The following TMEM132B variants were observed in gnomAD, a reference collection of about 807,000 sequenced individuals.
TMEM132B encodes transmembrane protein 132B.
Under a neutral mutation model 90.8 loss-of-function variants are expected in TMEM132B, and 18 were observed. That is an observed-to-expected ratio of 0.20 (90% CI 0.14 to 0.29). The LOEUF is 0.29. Ranked by LOEUF, TMEM132B falls within the 10% of genes least tolerant of loss-of-function variation. TMEM132B has a pLI of 1.00. For synonymous variants in TMEM132B, 504 were observed against 523.3 expected, an observed-to-expected ratio of 0.96 and a Z score of 0.50; for missense variants, 1,096 against 1,326.8, an observed-to-expected ratio of 0.83 and a Z score of 2.70.
chr12:125,642,733 T>G (rs973562102), intron 5 of TMEM132B, among the ~76,000 whole-genome samples: 3 of 152,218 alleles, frequency 2.0e-5, no homozygotes, highest in Non-Finnish European at 4.4e-5. Context: ...CTATGTTAAT[T>G]ATACTTAAGG....
intron 3 of TMEM132B, among the ~76,000 whole-genome samples, chr12:125,511,991 C>A (rs1882994583): frequency 1.3e-5 from 2 of 152,090 alleles, no homozygotes; most frequent in Admixed American, 1.3e-4. Context: ...GAGATTGGGT[C>A]TCATAAGGTC....
Position 125,482,509 on chromosome 12 carries a change from C to T in TMEM132B, c.1107-36930C>T, listed in dbSNP as rs140431095. On this transcript the variant is annotated intron_variant, in intron 3 of 8. Coordinates refer to ENST00000682704, the MANE Select transcript of TMEM132B (RefSeq NM_001366854.1). ...GCCAACAGACACATGGAAAAATGCT[C>T]GTCATCAGAGAAATGCAAATCAAAA... is the stretch of plus-strand genomic sequence containing the variant. Among the ~76,000 whole-genome samples, 241 of 151,506 alleles carry T rather than the reference C, an allele frequency of 1.6e-3. 2 individuals carry two copies. Among genetic ancestry groups the T allele is most frequent in the African/African-American group, 5.6e-3 (231 of 41,466 alleles).
chr12:125,231,917 A>G (rs183474639), intron 1 of TMEM132B, among the ~76,000 whole-genome samples: 174 of 151,560 alleles, frequency 1.1e-3, no homozygotes, highest in Non-Finnish European at 1.4e-3. Context: ...CTTTCACTCT[A>G]AAAATACCAC....
At chr12:125,261,309 G>A (rs1411672862) in intron 1 of TMEM132B, among the ~76,000 whole-genome samples, 5 of 152,162 alleles carry the variant, frequency 3.3e-5, no homozygotes, top group Non-Finnish European at 4.4e-5. Context: ...TTCAGAGTGA[G>A]TCTCCTCAGA....
chr12:125,323,015 C>T (rs10846872), intron 1 of TMEM132B, among the ~76,000 whole-genome samples: 6,167 of 152,248 alleles, frequency 0.041, 305 homozygotes, highest in Admixed American at 0.15. Flanking sequence ...GGAGAACCTT[C>T]TCTGACATAA....
rs1463168507 is a variant in TMEM132B, at chr12:125,313,701, C to G, written c.68-35751C>G. The stretch of plus-strand genomic sequence containing the variant: ...CCCCTCCCCTTCCCTCCCCTCCCCC[C>G]CTCCCTCCATTGGTTTGGGTTAATT... On this transcript the variant is annotated intron_variant, in intron 1 of 8. Coordinates refer to ENST00000682704, the MANE Select transcript of TMEM132B (RefSeq NM_001366854.1). Among the ~76,000 whole-genome samples the G allele has an allele frequency of 1.2e-4, 14 of 116,738 alleles. 1 individual carries two copies. The highest frequency in any genetic ancestry group is 3.0e-4 in the African/African-American group (9 of 29,660). 76.6% of individuals were successfully genotyped at this position (116,738 alleles called of 152,430 possible).
chr12:125,263,511 C>G (rs780014317), intron 1 of TMEM132B, among the ~76,000 whole-genome samples: 10 of 152,174 alleles, frequency 6.6e-5, no homozygotes, highest in Non-Finnish European at 1.5e-4. Flanking sequence ...CTTCTCTATA[C>G]CTCAGACTCG....
chr12:125,568,132 GT>G (rs1566076451), intron 4 of TMEM132B, among the ~76,000 whole-genome samples: 1 of 152,082 alleles, frequency 6.6e-6, no homozygotes, highest in African/African-American at 2.4e-5. Flanking sequence ...AAACATGTGT[GT>G]TTTGTCTTCT....
chr12:125,556,102 G>A (rs995349100), intron 4 of TMEM132B, among the ~76,000 whole-genome samples: 3 of 152,106 alleles, frequency 2.0e-5, no homozygotes, highest in Admixed American at 6.5e-5. Context: ...AATTTTATTC[G>A]AGCTGTCAGA....
At chr12:125,296,475 C>T (rs963315647) in intron 1 of TMEM132B, among the ~76,000 whole-genome samples, 6 of 152,186 alleles carry the variant, frequency 3.9e-5, no homozygotes, top group Non-Finnish European at 5.9e-5. Flanking sequence ...ATGGCCTTCC[C>T]GGACCTCTCT....
At chr12:125,651,203 C>G (rs1040137771) in intron 7 of TMEM132B, among the ~76,000 whole-genome samples, 2 of 152,170 alleles carry the variant, frequency 1.3e-5, no homozygotes, top group African/African-American at 4.8e-5. Context: ...TATCTAATCC[C>G]TTTTACCAAG....
intron 3 of TMEM132B, among the ~76,000 whole-genome samples, chr12:125,437,401 A>G (rs1880737848): frequency 6.6e-6 from 1 of 152,214 alleles, no homozygotes; most frequent in African/African-American, 2.4e-5. Context: ...ACAACCCTGT[A>G]TAAGTTTTTG....
At chr12:125,196,361 A>G (rs918067514) in intron 1 of TMEM132B, among the ~76,000 whole-genome samples, 1 of 152,226 alleles carries the variant, frequency 6.6e-6, no homozygotes, top group African/African-American at 2.4e-5. Context: ...TCTTCCCAAG[A>G]GTCCCAGTGG....
chr12:125,621,314 C>T (rs1814749575), intron 5 of TMEM132B, among the ~76,000 whole-genome samples: 3 of 152,048 alleles, frequency 2.0e-5, no homozygotes, highest in Admixed American at 1.3e-4. Flanking sequence ...ATGATGAGGG[C>T]ATTTCAGACA....
intron 1 of TMEM132B, among the ~76,000 whole-genome samples, chr12:125,295,255 G>C (rs565876286): frequency 1.3e-5 from 2 of 152,342 alleles, no homozygotes; most frequent in South Asian, 4.1e-4. Context: ...GCTGGGCTGG[G>C]AGTGGGAGAA....
intron 2 of TMEM132B, among the ~76,000 whole-genome samples, chr12:125,412,336 C>T (rs1879873144): frequency 6.6e-6 from 1 of 152,176 alleles, no homozygotes; most frequent in South Asian, 2.1e-4. Flanking sequence ...GGGAGAGGGG[C>T]CTGGCAATGA....
chr12:125,259,168 C>T (rs1468386085), intron 1 of TMEM132B, among the ~76,000 whole-genome samples: 2 of 152,224 alleles, frequency 1.3e-5, no homozygotes, highest in African/African-American at 4.8e-5. Flanking sequence ...ATTATCTCTT[C>T]TGCATGTAGT....
At chr12:125,545,477 T>C (rs1459612486) in intron 4 of TMEM132B, among the ~76,000 whole-genome samples, 1 of 152,188 alleles carries the variant, frequency 6.6e-6, no homozygotes, top group Non-Finnish European at 1.5e-5. Context: ...TTCTGTCTTC[T>C]TCTGGTCATG....
At chr12:125,241,941 G>A (rs748883728) in intron 1 of TMEM132B, among the ~76,000 whole-genome samples, 2 of 152,182 alleles carry the variant, frequency 1.3e-5, no homozygotes, top group East Asian at 3.8e-4. Context: ...AGGCAGACCC[G>A]TGGGGAGCAT....
Sources: allele counts gnomAD v4.1 joint callset (sites outside exome capture counted in the v4.1 genomes callset), GRCh38; gene constraint gnomAD v4.1.1; transcripts MANE v1.5; gene names NCBI Gene and HGNC (gene_info 2026-07-23, HGNC 2026-07-21).